AHI1: variants seen among roughly 807,000 people sequenced by gnomAD.
AHI1 encodes the protein Abelson helper integration site 1.
A neutral mutation model predicts 149.3 loss-of-function variants in AHI1; 123 were observed. That is an observed-to-expected ratio of 0.82 (90% CI 0.71 to 0.96). The LOEUF (loss-of-function observed/expected upper bound fraction) is 0.96, where lower values mean the gene tolerates loss of function less well. AHI1 is among the 40% of genes least tolerant of loss of function. The probability of loss-of-function intolerance (pLI) is 0.00; values close to 1 mark genes in which losing one functional copy is unlikely to be tolerated. For missense variants in AHI1, 1,439 were observed against 1,422.7 expected, an observed-to-expected ratio of 1.01 and a Z score of -0.18; for synonymous variants, 475 against 459.8, an observed-to-expected ratio of 1.03 and a Z score of -0.42.
At chr6:135,492,178 G>C in intron 4 of AHI1, 50 bp downstream of exon 4, 1 of 1,383,020 alleles carries the variant, frequency 7.2e-7, no homozygotes, top group Non-Finnish European at 9.8e-7. Context: ...AAACTTAAAA[G>C]TAAATGTATA....
At chr6:135,425,927 G>A (rs1783854146) in intron 20 of AHI1, among the ~76,000 whole-genome samples, 1 of 151,832 alleles carries the variant, frequency 6.6e-6, no homozygotes, top group African/African-American at 2.4e-5. Flanking sequence ...GGCATAAAAA[G>A]CAAATTAGAA....
intron 28 of AHI1, among the ~76,000 whole-genome samples, chr6:135,288,849 A>C (rs9494210): frequency 0.065 from 9,852 of 152,006 alleles, 674 homozygotes; most frequent in African/African-American, 0.16. Flanking sequence ...CAAAACAAAA[A>C]AAAAACCCTA....
intron 23 of AHI1, among the ~76,000 whole-genome samples, chr6:135,367,160 T>C (rs561876620): frequency 6.6e-6 from 1 of 152,322 alleles, no homozygotes; most frequent in South Asian, 2.1e-4. Flanking sequence ...CTGATGATTG[T>C]TTTGTTTAAG....
intron 11 of AHI1, among the ~76,000 whole-genome samples, chr6:135,448,708 G>A (rs929210787): frequency 6.6e-6 from 1 of 152,084 alleles, no homozygotes; most frequent in Non-Finnish European, 1.5e-5. Context: ...CTCTTTTCAC[G>A]TGTACAACAA....
intron 13 of AHI1, 76 bp from the exon 14 acceptor site, chr6:135,442,790 G>A: frequency 3.6e-6 from 5 of 1,371,010 alleles, no homozygotes; most frequent in East Asian, 2.5e-5. Context: ...TTCAATTACT[G>A]TAGTTCTTTT....
intron 23 of AHI1, among the ~76,000 whole-genome samples, chr6:135,380,271 T>C (rs1776545684): frequency 6.6e-6 from 1 of 151,966 alleles, no homozygotes; most frequent in Non-Finnish European, 1.5e-5. Flanking sequence ...AGAAAAGAAA[T>C]GCATCTGTAA....
At chr6:135,431,999 CTTT>C (rs199839132) in intron 16 of AHI1, among the ~76,000 whole-genome samples, 321 of 132,810 alleles carry the variant, frequency 2.4e-3, no homozygotes, top group East Asian at 7.6e-3. Context: ...GACCAATTTC[CTTT>C]TTTTTTTTTT....
At chr6:135,300,925 C>A in intron 26 of AHI1, 2 of 997,358 alleles carry the variant, frequency 2.0e-6, no homozygotes, top group South Asian at 9.0e-5. Flanking sequence ...ATCTTTCCTT[C>A]ATATTCTTTA....
intron 24 of AHI1, among the ~76,000 whole-genome samples, chr6:135,326,617 G>C (rs1787732451): frequency 6.6e-6 from 1 of 151,818 alleles, no homozygotes; most frequent in Non-Finnish European, 1.5e-5. Context: ...CTGGAGTGCA[G>C]TGGCGCCATC....
chr6:135,448,276 T>C lies in AHI1; in HGVS notation c.1626+14A>G, dbSNP rs1787550908. 6.5e-7 allele frequency: 1 copy of C among 1,530,222 alleles called. No individual in the cohort carries two copies. Among genetic ancestry groups the C allele is most frequent in the Non-Finnish European group, 8.9e-7 (1 of 1,121,630 alleles). 94.8% of individuals were successfully genotyped at this position (1,530,222 alleles called of 1,614,324 possible). On this transcript the variant is annotated intron_variant, in intron 12 of 28. Coordinates refer to ENST00000265602, the MANE Select transcript of AHI1 (RefSeq NM_001134831.2). ...CACTAGATGATATACACTTAATATG[T>C]ACTATTAACTTACACAGTCTGGAAC...
At chr6:135,304,374 T>C (rs957709912) in intron 26 of AHI1, among the ~76,000 whole-genome samples, 6 of 152,184 alleles carry the variant, frequency 3.9e-5, no homozygotes, top group Non-Finnish European at 8.8e-5. Context: ...TTACTGATAA[T>C]GTATCTGGTT....
intron 23 of AHI1, among the ~76,000 whole-genome samples, chr6:135,376,505 T>G (rs1379873993): frequency 6.6e-6 from 1 of 152,096 alleles, no homozygotes; most frequent in Non-Finnish European, 1.5e-5. Flanking sequence ...CTTTGTAGAT[T>G]TTTTTTATAG....
At position 135,427,124 on chromosome 6, in the gene AHI1, A is replaced by C; in HGVS notation, c.2764+43T>G. The C allele has an allele frequency of 3.2e-6, 5 of 1,570,378 alleles. No individual in the cohort carries two copies. In the African/African-American group the frequency reaches 6.8e-5, roughly 21 times the overall value. ...GATTCCTGGTTTAGTCTAAATGTAA[A>C]GGTTACTCTAAAAATTCTTTACTTA... On this transcript the variant is annotated intron_variant, in intron 20 of 28. Coordinates refer to ENST00000265602, the MANE Select transcript of AHI1 (RefSeq NM_001134831.2).
intron 8 of AHI1, 71 bp from the exon 9 acceptor site, chr6:135,457,784 T>C (rs746477191): frequency 3.6e-6 from 5 of 1,380,954 alleles, no homozygotes; most frequent in Non-Finnish European, 5.1e-6. Context: ...TATAACCTAA[T>C]CTTTAAGATC....
intron 5 of AHI1, among the ~76,000 whole-genome samples, chr6:135,477,749 G>A (rs1792932241): frequency 6.6e-6 from 1 of 151,966 alleles, no homozygotes; most frequent in Non-Finnish European, 1.5e-5. Flanking sequence ...ATTTCCTGAG[G>A]TCTCCCCAGC....
chr6:135,286,620 C>T (rs1279275601), intron 28 of AHI1: 2 of 152,230 alleles, frequency 1.3e-5, no homozygotes, highest in Admixed American at 1.3e-4. Flanking sequence ...GTGTAGGGGA[C>T]ACCTGTGCTT....
intron 27 of AHI1, among the ~76,000 whole-genome samples, chr6:135,297,876 T>A (rs201616235): frequency 6.6e-6 from 1 of 152,200 alleles, no homozygotes; most frequent in East Asian, 1.9e-4. Flanking sequence ...AGTGACAGGA[T>A]GCTTGGAATT....
intron 3 of AHI1, 199 bp from the exon 4 acceptor site, chr6:135,492,490 A>G: frequency 8.3e-7 from 1 of 1,199,320 alleles, no homozygotes; most frequent in Non-Finnish European, 1.0e-6. Context: ...ATCAAGGGAA[A>G]CAAACTAGAT....
chr6:135,452,714 T>C (rs1165652672), intron 11 of AHI1, among the ~76,000 whole-genome samples: 1 of 152,110 alleles, frequency 6.6e-6, no homozygotes, highest in African/African-American at 2.4e-5. Context: ...TCATGCACCA[T>C]TCTTCTCCCC....
Sources: allele counts gnomAD v4.1 joint callset (sites outside exome capture counted in the v4.1 genomes callset), GRCh38; gene constraint gnomAD v4.1.1; transcripts MANE v1.5; gene names NCBI Gene and HGNC (gene_info 2026-07-23, HGNC 2026-07-21).